Variants in CHD6 observed in about 807,000 individuals in gnomAD.
CHD6 encodes ATP-dependent chromatin remodeler CHD6.
In CHD6, 50 loss-of-function variants were observed where a neutral mutation model predicts 276.9. The observed-to-expected ratio is 0.18, with a 90% CI of 0.14 to 0.23. CHD6 has a LOEUF of 0.23. Among genes scored for constraint, CHD6 ranks in the 10% least tolerant of loss-of-function variants. CHD6 has a pLI of 1.00. For synonymous variants in CHD6, 1,173 were observed against 1,229.3 expected (o/e 0.95, Z 0.96); for missense variants, 2,564 against 3,365.8 (o/e 0.76, Z 5.89).
intron 3 of CHD6, among the ~76,000 whole-genome samples, chr20:41,517,562 C>G (rs747756703): frequency 2.6e-5 from 4 of 152,216 alleles, no homozygotes; most frequent in Non-Finnish European, 4.4e-5. Context: ...AGCAAAAGTT[C>G]TTCCTTTTCT....
chr20:41,493,448 C>T, intron 10 of CHD6, 90 bp downstream of exon 10: 1 of 1,333,030 alleles, frequency 7.5e-7, no homozygotes, highest in Non-Finnish European at 1.0e-6. Context: ...CAGAAACCAC[C>T]TAGGAACAAG....
At chr20:41,495,645 C>A (rs78132140) in intron 8 of CHD6, among the ~76,000 whole-genome samples, 5,246 of 152,184 alleles carry the variant, frequency 0.034, 111 homozygotes, top group Middle Eastern at 0.071. Flanking sequence ...AGAAAAAAAA[C>A]CCCCTACTTA....
intron 36 of CHD6, among the ~76,000 whole-genome samples, chr20:41,409,562 T>C (rs2046782055): frequency 6.6e-6 from 1 of 152,186 alleles, no homozygotes; most frequent in African/African-American, 2.4e-5. Context: ...CTCCGAAGGT[T>C]AGTACATTCA....
In CHD6 at chr20:41,420,631, C is replaced by G; in HGVS notation, c.6004G>C (p.Glu2002Gln). Reference sequence around the variant, plus strand: ...AAAACGTTTTGCCCCTCTGCACTTTCTTTCCAAGGTTCTTTTAAAAGCTCA... The same window carrying G: ...AAAACGTTTTGCCCCTCTGCACTTTGTTTCCAAGGTTCTTTTAAAAGCTCA... ...KHELLKEPWK[E>Q]SAEGQNVFPT... Residue 2002 changes from glutamate to glutamine, a missense_variant, in exon 31 of 37, where the codon GAA (glutamate) becomes CAA (glutamine). Glu to Gln is a conservative substitution (Grantham distance 29, BLOSUM62 2). This residue lies in a region of CHD6 where 1,024 missense variants were observed against 1,047.9 expected (regional missense o/e 0.98). Coordinates refer to ENST00000373233, the MANE Select transcript of CHD6 (RefSeq NM_032221.5). 1 of 1,614,214 alleles carries G rather than the reference C, an allele frequency of 6.2e-7. No individual in the cohort carries two copies. Among genetic ancestry groups the G allele is most frequent in the Non-Finnish European group, 8.5e-7 (1 of 1,180,030 alleles).
intron 2 of CHD6, among the ~76,000 whole-genome samples, chr20:41,540,008 T>G (rs376259288): frequency 2.0e-5 from 3 of 152,356 alleles, no homozygotes; most frequent in East Asian, 1.9e-4. Context: ...TTTTAAAGTC[T>G]GCAAGGGCAC....
intron 23 of CHD6, among the ~76,000 whole-genome samples, chr20:41,448,970 T>C (rs1182589305): frequency 1.3e-5 from 2 of 151,970 alleles, no homozygotes; most frequent in African/African-American, 2.4e-5. Context: ...GGCGCGATCT[T>C]GGCTCACTGC....
At chr20:41,498,746 C>G (rs1353319534) in intron 6 of CHD6, among the ~76,000 whole-genome samples, 1 of 151,856 alleles carries the variant, frequency 6.6e-6, no homozygotes, top group Non-Finnish European at 1.5e-5. Flanking sequence ...AAAACCCCCA[C>G]GTTTCCATTA....
intron 1 of CHD6, among the ~76,000 whole-genome samples, chr20:41,595,837 A>T (rs1330424370): frequency 6.6e-6 from 1 of 151,760 alleles, no homozygotes; most frequent in Non-Finnish European, 1.5e-5. Flanking sequence ...TGAGGATTGG[A>T]TTTGTCAACT....
chr20:41,546,513 A>T (rs6065370), intron 2 of CHD6, among the ~76,000 whole-genome samples: 1 of 151,966 alleles, frequency 6.6e-6, no homozygotes, highest in South Asian at 2.1e-4. Context: ...TATACATTAC[A>T]TAATATTTAT....
chr20:41,611,175 A>G (rs1376136944), intron 1 of CHD6, among the ~76,000 whole-genome samples: 2 of 152,246 alleles, frequency 1.3e-5, no homozygotes, highest in Non-Finnish European at 2.9e-5. Flanking sequence ...ATCAATTTTT[A>G]TTATACGGCT....
At chr20:41,605,744 A>T (rs1469743704) in intron 1 of CHD6, among the ~76,000 whole-genome samples, 1 of 147,962 alleles carries the variant, frequency 6.8e-6, no homozygotes, top group Non-Finnish European at 1.5e-5. Flanking sequence ...TTTAATTTTA[A>T]TCAGAACTAT....
intron 27 of CHD6, among the ~76,000 whole-genome samples, chr20:41,429,538 C>T (rs2047469013): frequency 6.6e-6 from 1 of 152,050 alleles, no homozygotes; most frequent in Non-Finnish European, 1.5e-5. Flanking sequence ...AGCAAAGGGT[C>T]TGGATATGAT....
chr20:41,472,133 C>G (rs975551200), intron 17 of CHD6, among the ~76,000 whole-genome samples: 1 of 151,840 alleles, frequency 6.6e-6, no homozygotes, highest in East Asian at 1.9e-4. Flanking sequence ...ACGCAGGAGG[C>G]TGAGGCAAGA....
chr20:41,464,338 T>A (rs1569107452), intron 17 of CHD6, among the ~76,000 whole-genome samples: 2 of 152,184 alleles, frequency 1.3e-5, no homozygotes, highest in East Asian at 3.9e-4. Flanking sequence ...GCAAATAGTA[T>A]TCTGATTATA....
chr20:41,565,030 A>T (rs2045340693), intron 1 of CHD6, among the ~76,000 whole-genome samples: 1 of 152,198 alleles, frequency 6.6e-6, no homozygotes. Context: ...TAGAAGTAAC[A>T]GTAAACAGCA....
chr20:41,411,531 C>A (rs928153047), intron 36 of CHD6, among the ~76,000 whole-genome samples: 9 of 152,278 alleles, frequency 5.9e-5, no homozygotes, highest in Admixed American at 5.9e-4. Context: ...CCAAACTCAA[C>A]ACATTTTCAA....
At chr20:41,507,745 ACT>A (rs2044011537) in intron 5 of CHD6, among the ~76,000 whole-genome samples, 1 of 151,928 alleles carries the variant, frequency 6.6e-6, no homozygotes, top group African/African-American at 2.4e-5. Context: ...TTTAATTCAT[ACT>A]CTTTTTATGT....
intron 19 of CHD6, among the ~76,000 whole-genome samples, chr20:41,455,497 CA>C (rs2048353510): frequency 1.3e-5 from 2 of 152,168 alleles, no homozygotes; most frequent in African/African-American, 4.8e-5. Flanking sequence ...TCAAGATGTC[CA>C]CTGGAAGGTT....
chr20:41,452,678 G>T lies in CHD6; in HGVS notation c.3323+62C>A, dbSNP rs2048273644. 6.9e-6 allele frequency: 10 copies of T among 1,441,318 alleles called. No homozygotes were observed. The highest frequency in any genetic ancestry group is 9.6e-6 in the Non-Finnish European group (10 of 1,037,934). The allele number at this position is 1,441,318 out of a possible 1,614,324, so 89.3% of individuals were successfully genotyped here. Reference sequence around the variant, plus strand: ...AGAGACATCCTAGACAAATCTCAGGGACTGAAAAACAGAGGGGAACAAACA... The same window carrying T: ...AGAGACATCCTAGACAAATCTCAGGTACTGAAAAACAGAGGGGAACAAACA... On this transcript the variant is annotated intron_variant, in intron 21 of 36. Transcript: ENST00000373233. The surrounding 1 kb of genome is among the most constrained non-coding windows in gnomAD (Gnocchi z 4.2).
Sources: allele counts gnomAD v4.1 joint callset (sites outside exome capture counted in the v4.1 genomes callset), GRCh38; gene constraint gnomAD v4.1.1; regional missense constraint gnomAD v4.1.1; non-coding constraint Gnocchi (gnomAD v3.1); transcripts MANE v1.5; gene names NCBI Gene and HGNC (gene_info 2026-07-23, HGNC 2026-07-21).